The following RFTN2 variants were observed in gnomAD, a reference collection of about 807,000 sequenced individuals.
RFTN2 encodes raftlin family member 2, also known as raftlin-2.
In RFTN2, 34 loss-of-function variants were observed where a neutral mutation model predicts 52.7. That is an observed-to-expected ratio of 0.64 (90% CI 0.49 to 0.86). The LOEUF (loss-of-function observed/expected upper bound fraction) is 0.86, where lower values mean the gene tolerates loss of function less well. RFTN2 is among the 40% of genes least tolerant of loss of function. RFTN2 has a pLI of 0.00. For synonymous variants in RFTN2, 203 were observed against 217.7 expected (o/e 0.93, Z 0.59); for missense variants, 536 against 600.1 (o/e 0.89, Z 1.12).
intron 8 of RFTN2, among the ~76,000 whole-genome samples, chr2:197,582,145 C>T (rs1181716111): frequency 1.3e-5 from 2 of 152,164 alleles, no homozygotes; most frequent in Non-Finnish European, 2.9e-5. Context: ...TTGCTGTTGC[C>T]CTAATACTTT....
At chr2:197,662,883 C>T (rs1350475953) in intron 1 of RFTN2, among the ~76,000 whole-genome samples, 6 of 152,246 alleles carry the variant, frequency 3.9e-5, no homozygotes, top group African/African-American at 1.4e-4. Flanking sequence ...CCCATGGCCT[C>T]CCAAACTGCT....
chr2:197,631,134 T>G lies in RFTN2; in HGVS notation c.805A>C (p.Lys269Gln). ...ATGACTGATCCTTTTCTTGTTACTTTCATTGACAGGATGCCTTCCTGATAG... is the reference window on the plus strand; with the variant it reads ...ATGACTGATCCTTTTCTTGTTACTTGCATTGACAGGATGCCTTCCTGATAG... The part of the protein sequence containing the change: ...WAYQEGILSM[K>Q]VTRKGSVIST... The change falls in exon 5 of 9, where the codon AAA becomes CAA. Residue 269 changes from lysine (K) to glutamine (Q), a missense_variant. Coordinates refer to ENST00000295049, the MANE Select transcript of RFTN2 (RefSeq NM_144629.3). The G allele has an allele frequency of 6.8e-6, 11 of 1,613,532 alleles. No individual in the cohort carries two copies. The highest frequency in any genetic ancestry group is 9.3e-6 in the Non-Finnish European group (11 of 1,179,552).
chr2:197,572,037 C>T lies in RFTN2; in HGVS notation c.1477G>A (p.Asp493Asn). 1 of 1,614,240 alleles carries T rather than the reference C, an allele frequency of 6.2e-7. No homozygotes were observed. Among genetic ancestry groups the T allele is most frequent in the Non-Finnish European group, 8.5e-7 (1 of 1,180,032 alleles). ...ATACAAGTGACCTGAGTCACTCCATCTTCCTGATCAAACTGTCCGTCGTCT... is the reference window on the plus strand; with the variant it reads ...ATACAAGTGACCTGAGTCACTCCATTTTCCTGATCAAACTGTCCGTCGTCT... The part of the protein sequence containing the change: ...ELDDGQFDQE[D>N]GVTQVTCM The change falls in exon 9 of 9, where the codon GAT (aspartate) becomes AAT (asparagine). Residue 493 changes from aspartate (D) to asparagine (N), a missense_variant. Physicochemically the swap from Asp to Asn is conservative, Grantham distance 23. Coordinates refer to ENST00000295049, the MANE Select transcript of RFTN2 (RefSeq NM_144629.3).
At chr2:197,579,608 C>T (rs907815265) in intron 8 of RFTN2, among the ~76,000 whole-genome samples, 1 of 152,162 alleles carries the variant, frequency 6.6e-6, no homozygotes, top group African/African-American at 2.4e-5. Flanking sequence ...CATTCTTTTA[C>T]ACATCGGTCC....
intron 3 of RFTN2, among the ~76,000 whole-genome samples, chr2:197,641,434 G>C (rs2088673012): frequency 6.6e-6 from 1 of 152,124 alleles, no homozygotes; most frequent in South Asian, 2.1e-4. Flanking sequence ...ATAGAGATAT[G>C]GCATATTCTG....
chr2:197,630,854 A>T (rs2088457274), intron 5 of RFTN2, among the ~76,000 whole-genome samples, 157 bp downstream of exon 5: 1 of 152,202 alleles, frequency 6.6e-6, no homozygotes, highest in Non-Finnish European at 1.5e-5. Flanking sequence ...TAAGCTTTTA[A>T]ATTAAAGCTA....
chr2:197,628,911 T>C (rs986099054), intron 5 of RFTN2, among the ~76,000 whole-genome samples: 5 of 152,220 alleles, frequency 3.3e-5, no homozygotes, highest in African/African-American at 9.7e-5. Flanking sequence ...GTAGAAGACA[T>C]AGGATTTAAA....
At chr2:197,603,251 C>T (rs982545633) in intron 7 of RFTN2, among the ~76,000 whole-genome samples, 3 of 152,144 alleles carry the variant, frequency 2.0e-5, no homozygotes, top group Admixed American at 6.5e-5. Flanking sequence ...TCACTCTTTC[C>T]TTTCTACACT....
chr2:197,605,225 GT>G (rs879719344), intron 7 of RFTN2, among the ~76,000 whole-genome samples: 53 of 145,840 alleles, frequency 3.6e-4, no homozygotes, highest in Middle Eastern at 7.1e-3. Flanking sequence ...AATTTGTTGG[GT>G]TTTTTTTTTT....
intron 7 of RFTN2, among the ~76,000 whole-genome samples, chr2:197,601,754 A>G (rs1191733375): frequency 6.6e-6 from 1 of 152,210 alleles, no homozygotes; most frequent in South Asian, 2.1e-4. Context: ...TATAATGTTC[A>G]GAAGTTATAG....
chr2:197,580,536 C>T (rs1426014779), intron 8 of RFTN2, among the ~76,000 whole-genome samples: 1 of 152,218 alleles, frequency 6.6e-6, no homozygotes, highest in Non-Finnish European at 1.5e-5. Flanking sequence ...GAACTCTGGC[C>T]CAAGGCTCTC....
chr2:197,668,523 T>G (rs1294212339), intron 1 of RFTN2, among the ~76,000 whole-genome samples: 1 of 152,142 alleles, frequency 6.6e-6, no homozygotes, highest in African/African-American at 2.4e-5. Flanking sequence ...CTGGGCGTGG[T>G]AGCCTGTGGT....
chr2:197,669,995 T>C (rs528148772), intron 1 of RFTN2, among the ~76,000 whole-genome samples: 8 of 152,316 alleles, frequency 5.3e-5, no homozygotes, highest in Admixed American at 3.9e-4. Context: ...TTTGAGCATA[T>C]AAAGGGAAGC....
intron 5 of RFTN2, among the ~76,000 whole-genome samples, chr2:197,622,959 T>C (rs1244178885): frequency 6.6e-6 from 1 of 152,208 alleles, no homozygotes; most frequent in Non-Finnish European, 1.5e-5. Context: ...TTCAAAATAT[T>C]ATGCTTATTG....
In RFTN2 at chr2:197,589,954, T is replaced by G. The variant is rs2087674055; in HGVS notation, c.1233+6037A>C. ...CAAGGTCTCACTCTGTTGCTCAGGCTGGAGTACAGTGGCGCGATCATGGCT... is the reference window on the plus strand; with the variant it reads ...CAAGGTCTCACTCTGTTGCTCAGGCGGGAGTACAGTGGCGCGATCATGGCT... On this transcript the variant is annotated intron_variant, in intron 8 of 8. Coordinates refer to ENST00000295049, the MANE Select transcript of RFTN2 (RefSeq NM_144629.3). 2.0e-5 allele frequency among the ~76,000 whole-genome samples: 3 copies of G among 152,358 alleles called. No individual in the cohort carries two copies. The South Asian group carries it at 6.2e-4, about 32-fold the overall frequency.
chr2:197,659,776 C>T (rs1041172134), intron 1 of RFTN2, among the ~76,000 whole-genome samples: 6 of 148,232 alleles, frequency 4.0e-5, no homozygotes, highest in South Asian at 2.2e-4. Flanking sequence ...GAGATCATGC[C>T]ATTGCACTCC....
At position 197,572,210 on chromosome 2, in the gene RFTN2, G is replaced by A. The variant is rs139202328; in HGVS notation, c.1304C>T (p.Thr435Ile). ...GCTCTCTGCAGGTTGTGACGAGGTT[G>A]TGTCTAATCCGATGCTTCTACTAGT... ...KATSRSIGLD[T>I]TSSQPAESRH... Residue 435 changes from threonine (T) to isoleucine (I), a missense_variant, in exon 9 of 9, where the codon ACA becomes ATA. Coordinates refer to ENST00000295049, the MANE Select transcript of RFTN2 (RefSeq NM_144629.3). 50 of 1,614,124 alleles carry A rather than the reference G, an allele frequency of 3.1e-5. No individual in the cohort carries two copies. Among genetic ancestry groups the A allele is most frequent in the Non-Finnish European group, 4.1e-5 (48 of 1,180,030 alleles).
At chr2:197,594,929 C>G (rs1559342797) in intron 8 of RFTN2, among the ~76,000 whole-genome samples, 1 of 152,182 alleles carries the variant, frequency 6.6e-6, no homozygotes, top group East Asian at 1.9e-4. Flanking sequence ...ACAATGTTTT[C>G]TTTTTTCAAA....
intron 7 of RFTN2, among the ~76,000 whole-genome samples, chr2:197,608,642 T>C (rs2088001562): frequency 6.6e-6 from 1 of 150,680 alleles, no homozygotes; most frequent in Non-Finnish European, 1.5e-5. Context: ...TTTTTTTTTT[T>C]TTTTTAATAC....
Sources: gnomAD v4.1 joint callset for allele counts (sites outside exome capture counted in the v4.1 genomes callset) on GRCh38, gnomAD v4.1.1 for gene constraint, MANE v1.5 for transcripts, NCBI Gene and HGNC (gene_info 2026-07-23, HGNC 2026-07-21) for gene names.